The following RGS7 variants were observed in gnomAD, a reference collection of about 807,000 sequenced individuals.
RGS7 encodes the protein regulator of G-protein signaling 7.
A neutral mutation model predicts 81.1 loss-of-function variants in RGS7; 27 were observed. That is an observed-to-expected ratio of 0.33 (90% CI 0.25 to 0.46). RGS7 has a LOEUF of 0.46. Among genes scored for constraint, RGS7 ranks in the 20% least tolerant of loss-of-function variants. The probability of loss-of-function intolerance (pLI) is 1.00; values close to 1 mark genes in which losing one functional copy is unlikely to be tolerated. For synonymous variants in RGS7, 208 were observed against 207.7 expected, an observed-to-expected ratio of 1.00 and a Z score of -0.01; for missense variants, 396 against 607.4, an observed-to-expected ratio of 0.65 and a Z score of 3.66.
In RGS7 at chr1:240,911,743, G is replaced by A. The variant is rs180792858; in HGVS notation, c.385+18974C>T. On this transcript the variant is annotated intron_variant, in intron 6 of 18. Coordinates refer to ENST00000440928, the MANE Select transcript of RGS7 (RefSeq NM_001364886.1). ...GTGAGAAAAGCATAAAACCCAGTCA[G>A]AAACCTTGGGTTCCAATCCCAGCTC... 3.3e-4 allele frequency among the ~76,000 whole-genome samples: 50 copies of A among 152,286 alleles called. 1 individual carries two copies. Among genetic ancestry groups the A allele is most frequent in the Non-Finnish European group, 5.7e-4 (39 of 68,012 alleles).
rs1572792917 is a variant in RGS7 at position 241,124,797 on chromosome 1, C to A, written c.79-26035G>T. On this transcript the variant is annotated intron_variant, in intron 2 of 18. Coordinates refer to ENST00000440928, the MANE Select transcript of RGS7 (RefSeq NM_001364886.1). ...ATGTGAGACATATCTCGGGACCTCC[C>A]AGGAGAGCTATGGAAGTAGTGATAG... Among the ~76,000 whole-genome samples, 4 of 152,176 alleles carry A rather than the reference C, an allele frequency of 2.6e-5. No individual in the cohort carries two copies. In the South Asian group the frequency reaches 8.3e-4, roughly 32 times the overall value.
intron 2 of RGS7, among the ~76,000 whole-genome samples, chr1:241,343,287 C>T (rs1225890268): frequency 6.7e-6 from 1 of 149,792 alleles, no homozygotes; most frequent in Non-Finnish European, 1.5e-5. Context: ...ATTAAAAGTA[C>T]AATTACCAGG....
chr1:241,117,296 T>C (rs2065944509), intron 2 of RGS7, among the ~76,000 whole-genome samples: 1 of 152,204 alleles, frequency 6.6e-6, no homozygotes, highest in South Asian at 2.1e-4. Context: ...GTTCTGATTG[T>C]TCACATGCAT....
chr1:240,895,432 T>TG (rs1553340517), intron 6 of RGS7, among the ~76,000 whole-genome samples: 21 of 151,726 alleles, frequency 1.4e-4, no homozygotes, highest in African/African-American at 5.1e-4. Context: ...ATGCTATCCC[T>TG]CCCCCCTCCT....
At chr1:241,166,368 T>C (rs2070239670) in intron 2 of RGS7, among the ~76,000 whole-genome samples, 1 of 152,064 alleles carries the variant, frequency 6.6e-6, no homozygotes, top group African/African-American at 2.4e-5. Context: ...GAGAATGTAA[T>C]AAGATAAGAT....
intron 6 of RGS7, among the ~76,000 whole-genome samples, chr1:240,901,218 A>C (rs1669952512): frequency 6.6e-6 from 1 of 152,124 alleles, no homozygotes; most frequent in Non-Finnish European, 1.5e-5. Context: ...TAGGAAAGGG[A>C]ATTCCCCGAC....
intron 2 of RGS7, among the ~76,000 whole-genome samples, chr1:241,120,258 G>A (rs1282007119): frequency 2.0e-5 from 3 of 152,056 alleles, no homozygotes; most frequent in Non-Finnish European, 4.4e-5. Context: ...TCAAGTTCAG[G>A]GGCTTTGAGA....
intron 9 of RGS7, among the ~76,000 whole-genome samples, chr1:240,840,568 C>G (rs138576066): frequency 2.0e-5 from 3 of 152,226 alleles, no homozygotes; most frequent in African/African-American, 7.2e-5. Flanking sequence ...CCACTGCGCC[C>G]GGCCTCACTG....
intron 2 of RGS7, among the ~76,000 whole-genome samples, chr1:241,234,691 G>A (rs970633753): frequency 6.6e-6 from 1 of 151,952 alleles, no homozygotes; most frequent in Non-Finnish European, 1.5e-5. Flanking sequence ...AATTCTCCCT[G>A]CTTTAGGCTG....
chr1:241,307,668 C>A (rs1481085393), intron 2 of RGS7, among the ~76,000 whole-genome samples: 1 of 152,218 alleles, frequency 6.6e-6, no homozygotes, highest in Non-Finnish European at 1.5e-5. Context: ...CAGGTCAACA[C>A]ACGAACGTCT....
At chr1:241,106,002 T>G (rs1404456672) in intron 2 of RGS7, among the ~76,000 whole-genome samples, 1 of 152,250 alleles carries the variant, frequency 6.6e-6, no homozygotes, top group Non-Finnish European at 1.5e-5. Flanking sequence ...AAGCGCTTCT[T>G]GGATTTCTTG....
At chr1:240,861,128 A>G (rs1004478223) in intron 9 of RGS7, among the ~76,000 whole-genome samples, 1 of 152,192 alleles carries the variant, frequency 6.6e-6, no homozygotes, top group African/African-American at 2.4e-5. Context: ...GTCAGGGTCA[A>G]CGAAAATGCT....
At chr1:241,221,684 T>C (rs1190791045) in intron 2 of RGS7, among the ~76,000 whole-genome samples, 1 of 152,176 alleles carries the variant, frequency 6.6e-6, no homozygotes, top group Non-Finnish European at 1.5e-5. Context: ...AGAATGTGCC[T>C]CATCCAATCA....
At chr1:240,928,104 C>T (rs886927877) in intron 6 of RGS7, among the ~76,000 whole-genome samples, 1 of 152,196 alleles carries the variant, frequency 6.6e-6, no homozygotes, top group African/African-American at 2.4e-5. Flanking sequence ...TTACCCGTAG[C>T]TGTAACACCC....
At chr1:240,901,814 T>C (rs1670057227) in intron 6 of RGS7, among the ~76,000 whole-genome samples, 1 of 152,196 alleles carries the variant, frequency 6.6e-6, no homozygotes, top group African/African-American at 2.4e-5. Context: ...TTAAATCCAG[T>C]ATTCTCCCAG....
At chr1:241,258,402 T>C (rs1019440203) in intron 2 of RGS7, among the ~76,000 whole-genome samples, 3 of 152,160 alleles carry the variant, frequency 2.0e-5, no homozygotes, top group Non-Finnish European at 2.9e-5. Flanking sequence ...GCAGAACTTA[T>C]TGAATCTCAT....
intron 4 of RGS7, among the ~76,000 whole-genome samples, chr1:240,969,800 T>C (rs374401088): frequency 6.6e-6 from 1 of 152,218 alleles, no homozygotes; most frequent in African/African-American, 2.4e-5. Flanking sequence ...ATCCCAGCTC[T>C]GCTCCTCGGT....
rs188109648 is a variant in RGS7, at chr1:240,789,694, A to G, written c.*6+10947T>C. ...CTGCCTAATAAATTTTGGTCAGACCAGTTGTCTGCTCTCAAACCCTGTTTC... is the reference window on the plus strand; with the variant it reads ...CTGCCTAATAAATTTTGGTCAGACCGGTTGTCTGCTCTCAAACCCTGTTTC... On this transcript the variant is annotated intron_variant, in intron 18 of 18. Coordinates refer to ENST00000440928, the MANE Select transcript of RGS7 (RefSeq NM_001364886.1). Among the ~76,000 whole-genome samples, 219 of 152,322 alleles carry G rather than the reference A, an allele frequency of 1.4e-3. 1 individual carries two copies. The highest frequency in any genetic ancestry group is 6.8e-3 in the Middle Eastern group (2 of 294).
At chr1:240,810,203 T>C (rs1324183072) in intron 14 of RGS7, among the ~76,000 whole-genome samples, 2 of 152,094 alleles carry the variant, frequency 1.3e-5, no homozygotes, top group East Asian at 1.9e-4. Context: ...ACACCCATGA[T>C]TTTGTGCTGT....
Sources: gnomAD v4.1 joint callset for allele counts (sites outside exome capture counted in the v4.1 genomes callset) on GRCh38, gnomAD v4.1.1 for gene constraint, MANE v1.5 for transcripts, NCBI Gene and HGNC (gene_info 2026-07-23, HGNC 2026-07-21) for gene names.